Variants in RIC1 observed in about 807,000 individuals in gnomAD.
The protein encoded by RIC1 is RIC1 partner of RAB6A GEF complex, also known as guanine nucleotide exchange factor subunit RIC1.
Under a neutral mutation model 169.0 loss-of-function variants are expected in RIC1, and 88 were observed. The ratio of observed to expected loss-of-function variants is 0.52; its 90% CI spans 0.44 to 0.62. The LOEUF (loss-of-function observed/expected upper bound fraction) is 0.62, where lower values mean the gene tolerates loss of function less well. Ranked by LOEUF, RIC1 falls within the 20% of genes least tolerant of loss-of-function variation. RIC1 has a pLI of 0.00. For synonymous variants in RIC1, 790 were observed against 601.5 expected, an observed-to-expected ratio of 1.31 and a Z score of -4.59; for missense variants, 1,877 against 1,725.5, an observed-to-expected ratio of 1.09 and a Z score of -1.56.
At chr9:5,721,740 C>G (rs1392033543) in intron 6 of RIC1, among the ~76,000 whole-genome samples, 1 of 152,122 alleles carries the variant, frequency 6.6e-6, no homozygotes, top group African/African-American at 2.4e-5. Context: ...GATTTTTCCT[C>G]CTGCTAGGAA....
At chr9:5,649,064 G>C (rs1818669688) in intron 1 of RIC1, among the ~76,000 whole-genome samples, 1 of 152,096 alleles carries the variant, frequency 6.6e-6, no homozygotes, top group Non-Finnish European at 1.5e-5. Context: ...GAGCCAGGGA[G>C]GTAAAGGCTG....
intron 2 of RIC1, among the ~76,000 whole-genome samples, chr9:5,664,613 A>G (rs142084913): frequency 1.9e-3 from 290 of 152,184 alleles, no homozygotes; most frequent in African/African-American, 6.4e-3. Context: ...CTCAGGGAAT[A>G]TCTTACTGAG....
intron 3 of RIC1, among the ~76,000 whole-genome samples, chr9:5,691,971 T>C (rs1821613824): frequency 1.3e-5 from 2 of 152,110 alleles, no homozygotes; most frequent in African/African-American, 4.8e-5. Flanking sequence ...TTTCTTTCTT[T>C]TCTGATTCTA....
At position 5,756,418 on chromosome 9, in the gene RIC1, A is replaced by C. The variant is rs775051523; in HGVS notation, c.1853+46A>C. On this transcript the variant is annotated intron_variant, in intron 16 of 25. Transcript: ENST00000414202. ...AAGTCACTTTTTGCTCCTATTTACC[A>C]CGTTTCTCTTTTGTAGTTTTTGTTT... 9.6e-6 allele frequency: 12 copies of C among 1,253,820 alleles called. No individual in the cohort carries two copies. The Admixed American group carries it at 1.1e-4, about 12-fold the overall frequency. The allele number at this position is 1,253,820 out of a possible 1,614,324, so 77.7% of individuals were successfully genotyped here.
At chr9:5,659,016 A>G (rs1819282041) in intron 2 of RIC1, among the ~76,000 whole-genome samples, 1 of 152,106 alleles carries the variant, frequency 6.6e-6, no homozygotes, top group Admixed American at 6.6e-5. Flanking sequence ...AATTTTGATG[A>G]TAGGGAAAAG....
intron 1 of RIC1, among the ~76,000 whole-genome samples, chr9:5,652,657 G>A (rs188201588): frequency 6.6e-6 from 1 of 151,088 alleles, no homozygotes; most frequent in Non-Finnish European, 1.5e-5. Flanking sequence ...GTGTTAATTT[G>A]ACTTCTCCTT....
chr9:5,663,408 A>G (rs570944032), intron 2 of RIC1, among the ~76,000 whole-genome samples: 6 of 152,080 alleles, frequency 3.9e-5, no homozygotes, highest in Middle Eastern at 3.2e-3. Context: ...TGATCTGCCT[A>G]ATATTGTCAA....
In RIC1 at chr9:5,677,849, T is replaced by A. The variant is rs188284984; in HGVS notation, c.253-12110T>A. ...TCTCACCATGTTTACTCTTTTTTTT[T>A]AAATTTTATTATTATTATACTTTAA... is the stretch of plus-strand genomic sequence containing the variant. On this transcript the variant is annotated intron_variant, in intron 2 of 25. Coordinates refer to ENST00000414202, the MANE Select transcript of RIC1 (RefSeq NM_020829.4). 4.4e-3 allele frequency among the ~76,000 whole-genome samples: 674 copies of A among 152,246 alleles called. 2 individuals are homozygous for A. The highest frequency in any genetic ancestry group is 0.015 in the African/African-American group (631 of 41,550).
chr9:5,738,539 G>C lies in RIC1; in HGVS notation c.901+1G>C. 1 of 1,414,196 alleles carries C rather than the reference G, an allele frequency of 7.1e-7. No individual in the cohort carries two copies. Among genetic ancestry groups the C allele is most frequent in the Non-Finnish European group, 9.5e-7 (1 of 1,050,662 alleles). The allele number at this position is 1,414,196 out of a possible 1,614,324, so 87.6% of individuals were successfully genotyped here. ...GAGCTAACAGCAAAACAGTATCCTGGTGAGTCTTTTTTTTTTTTTTTTTTT... is the reference window on the plus strand; with the variant it reads ...GAGCTAACAGCAAAACAGTATCCTGCTGAGTCTTTTTTTTTTTTTTTTTTT... On this transcript the variant is annotated splice_donor_variant, in intron 8 of 25. Coordinates refer to ENST00000414202, the MANE Select transcript of RIC1 (RefSeq NM_020829.4). LOFTEE classifies it high-confidence loss of function.
chr9:5,758,373 T>C (rs1225792578), intron 17 of RIC1, among the ~76,000 whole-genome samples: 1 of 152,240 alleles, frequency 6.6e-6, no homozygotes. Context: ...GTCTGTCTTT[T>C]ACTTCCTATC....
chr9:5,710,273 A>G (rs576678590), intron 3 of RIC1, among the ~76,000 whole-genome samples: 31 of 152,352 alleles, frequency 2.0e-4, no homozygotes, highest in Non-Finnish European at 2.6e-4. Flanking sequence ...AAGGATTCCT[A>G]TGTTCCCACC....
At chr9:5,641,912 G>A (rs1563862750) in intron 1 of RIC1, among the ~76,000 whole-genome samples, 1 of 144,086 alleles carries the variant, frequency 6.9e-6, no homozygotes, top group South Asian at 2.2e-4. Flanking sequence ...GTTTTTCCAG[G>A]ATTGGTCCCT....
Position 5,690,038 on chromosome 9 carries a change from A to G in RIC1, c.332A>G (p.Lys111Arg), listed in dbSNP as rs139322005. ...DKYLYEPVYP[K>R]GSPQMKGTPH... ...TACCTTTATGAACCAGTGTATCCCA[A>G]GTAAGTTTGTTGCCTTTCATTCTTT... The change falls in exon 3 of 26, where the codon AAA (lysine) becomes AGA (arginine). Residue 111 changes from lysine to arginine, a missense_variant and splice_region_variant. This residue lies in a region of RIC1 where 1,104 missense variants were observed against 992.0 expected (regional missense o/e 1.11). Coordinates refer to ENST00000414202, the MANE Select transcript of RIC1 (RefSeq NM_020829.4). 145 of 1,578,768 alleles carry G rather than the reference A, an allele frequency of 9.2e-5. No individual in the cohort carries two copies. The highest frequency in any genetic ancestry group is 1.2e-4 in the Non-Finnish European group (138 of 1,164,468).
chr9:5,684,197 A>G (rs1318615912), intron 2 of RIC1, among the ~76,000 whole-genome samples: 2 of 141,142 alleles, frequency 1.4e-5, no homozygotes, highest in Non-Finnish European at 3.0e-5. Flanking sequence ...TTGTAAATGC[A>G]GAAATCACCC....
At chr9:5,650,010 G>A (rs745828392) in intron 1 of RIC1, among the ~76,000 whole-genome samples, 1 of 152,316 alleles carries the variant, frequency 6.6e-6, no homozygotes, top group African/African-American at 2.4e-5. Context: ...AGCAGAGGCT[G>A]AGGTGAAGTT....
intron 2 of RIC1, among the ~76,000 whole-genome samples, chr9:5,671,621 C>T (rs756943429): frequency 4.6e-5 from 7 of 152,136 alleles, no homozygotes; most frequent in Non-Finnish European, 1.0e-4. Context: ...TAAAAAAGAA[C>T]CTGTTTTGCA....
chr9:5,738,696 GA>G (rs1429092969), intron 8 of RIC1, among the ~76,000 whole-genome samples, 158 bp downstream of exon 8: 9 of 152,052 alleles, frequency 5.9e-5, no homozygotes, highest in African/African-American at 2.2e-4. Flanking sequence ...GAAATTGATT[GA>G]GGGGCCGTGA....
At chr9:5,777,896 G>A (rs1827673559), downstream of RIC1, among the ~76,000 whole-genome samples, 1 of 152,140 alleles carries the variant, frequency 6.6e-6, no homozygotes. Flanking sequence ...TTGAAAGCGA[G>A]AGTCCTAAGT....
intron 2 of RIC1, among the ~76,000 whole-genome samples, chr9:5,662,530 A>T (rs1022656983): frequency 1.3e-5 from 2 of 151,138 alleles, no homozygotes; most frequent in Non-Finnish European, 2.9e-5. Flanking sequence ...TTATTGGTCT[A>T]TTCAGAGATT....
Sources: allele counts gnomAD v4.1 joint callset (sites outside exome capture counted in the v4.1 genomes callset), GRCh38; gene constraint gnomAD v4.1.1; regional missense constraint gnomAD v4.1.1; transcripts MANE v1.5; gene names NCBI Gene and HGNC (gene_info 2026-07-23, HGNC 2026-07-21).